UNKL: variants seen among roughly 807,000 people sequenced by gnomAD.
UNKL encodes putative E3 ubiquitin-protein ligase UNKL.
A neutral mutation model predicts 78.0 loss-of-function variants in UNKL; 60 were observed. That is an observed-to-expected ratio of 0.77 (90% CI 0.63 to 0.95). The LOEUF (loss-of-function observed/expected upper bound fraction) is 0.95. Among genes scored for constraint, UNKL ranks in the 40% least tolerant of loss-of-function variants. UNKL has a pLI of 0.00. For missense variants in UNKL, 1,159 were observed against 1,045.7 expected, an observed-to-expected ratio of 1.11 and a Z score of -1.49; for synonymous variants, 608 against 474.8, an observed-to-expected ratio of 1.28 and a Z score of -3.65.
intron 5 of UNKL, among the ~76,000 whole-genome samples, chr16:1,397,839 G>A (rs1270225875): frequency 6.6e-6 from 1 of 152,144 alleles, no homozygotes; most frequent in African/African-American, 2.4e-5. Context: ...GAGGTGTCAG[G>A]GGGACACAGG....
chr16:1,412,557 C>T (rs1338039132), intron 2 of UNKL, among the ~76,000 whole-genome samples: 1 of 152,204 alleles, frequency 6.6e-6, no homozygotes, highest in Non-Finnish European at 1.5e-5. Context: ...TTGCCGTGAG[C>T]CAAGATCAAG....
At chr16:1,380,163 C>T (rs1200113004) in intron 10 of UNKL, among the ~76,000 whole-genome samples, 1 of 152,242 alleles carries the variant, frequency 6.6e-6, no homozygotes, top group Non-Finnish European at 1.5e-5. Context: ...AAAATGGAAC[C>T]TATCAGATGG....
At chr16:1,389,449 C>A (rs2036954368) in intron 9 of UNKL, among the ~76,000 whole-genome samples, 1 of 152,126 alleles carries the variant, frequency 6.6e-6, no homozygotes. Flanking sequence ...GTGGTGTATG[C>A]CTGGGGTCCC....
chr16:1,378,740 C>T (rs999797216), intron 10 of UNKL, among the ~76,000 whole-genome samples: 17 of 152,130 alleles, frequency 1.1e-4, no homozygotes, highest in Non-Finnish European at 2.1e-4. Context: ...CGAGAGACTC[C>T]GGCCCCGCTT....
At chr16:1,375,356 G>A (rs926525439) in intron 10 of UNKL, among the ~76,000 whole-genome samples, 12 of 152,128 alleles carry the variant, frequency 7.9e-5, no homozygotes, top group South Asian at 4.1e-4. Flanking sequence ...TCCAGAGGCC[G>A]CAAGGCAGAG....
chr16:1,401,811 G>A (rs1371597192), intron 3 of UNKL, 110 bp from the exon 4 acceptor site: 2 of 1,453,394 alleles, frequency 1.4e-6, no homozygotes, highest in East Asian at 2.4e-5. Flanking sequence ...AGAGGCTGCT[G>A]CCGAAGGGTT....
In UNKL at chr16:1,370,178, A is replaced by C. The variant is rs960596007; in HGVS notation, c.1537T>G (p.Ser513Ala). The C allele has an allele frequency of 3.2e-5, 48 of 1,517,476 alleles. No individual in the cohort carries two copies. The highest frequency in any genetic ancestry group is 4.3e-5 in the Non-Finnish European group (48 of 1,128,058). The allele number at this position is 1,517,476 out of a possible 1,614,324, so 94.0% of individuals were successfully genotyped here. A position where few individuals can be genotyped will look rare whatever the true frequency, so the allele number is the denominator to read the frequency against. The change falls in exon 12 of 15, where the codon TCA becomes GCA. Residue 513 changes from serine to alanine, a missense_variant. Transcript: ENST00000389221. The part of the protein sequence containing the change: ...TPPQQPPPLR[S>A]EPGTLGSAAS... ...GCAGAGCCCAGTGTGCCCGGCTCTGAACGCAGGGGTGGCGGCTGCTGGGGA... is the reference window on the plus strand; with the variant it reads ...GCAGAGCCCAGTGTGCCCGGCTCTGCACGCAGGGGTGGCGGCTGCTGGGGA...
chr16:1,366,986 G>C, intron 14 of UNKL, 106 bp downstream of exon 14: 1 of 1,434,316 alleles, frequency 7.0e-7, no homozygotes, highest in Non-Finnish European at 9.1e-7. Flanking sequence ...AGCAGACCCT[G>C]GGGCAGGGGA....
Position 1,365,828 on chromosome 16 carries a change from A to G in UNKL, c.*412T>C, listed in dbSNP as rs1206072184. The G allele has an allele frequency of 6.2e-6, 1 of 162,548 alleles. No homozygotes were observed. Among genetic ancestry groups the G allele is most frequent in the Non-Finnish European group, 1.3e-5 (1 of 75,090 alleles). 10.1% of individuals were successfully genotyped at this position (162,548 alleles called of 1,614,324 possible). A position where few individuals can be genotyped will look rare whatever the true frequency, so the allele number is the denominator to read the frequency against. On this transcript the variant is annotated 3_prime_UTR_variant, in exon 15 of 15. Transcript: ENST00000389221. ...AGAAAGCAGCTTAGAGCAATTTATAACCTCTAACTAAATTCCTCGGTTTAC... is the reference window on the plus strand; with the variant it reads ...AGAAAGCAGCTTAGAGCAATTTATAGCCTCTAACTAAATTCCTCGGTTTAC...
chr16:1,377,104 C>T (rs1469374483), intron 10 of UNKL, among the ~76,000 whole-genome samples: 1 of 152,084 alleles, frequency 6.6e-6, no homozygotes, highest in Non-Finnish European at 1.5e-5. Flanking sequence ...CTCACTGCAA[C>T]CTCCGCCTCC....
In UNKL at chr16:1,366,255, C is replaced by G. The variant is rs763166154; in HGVS notation, c.2187G>C (p.Gln729His). The change falls in exon 15 of 15, where the codon CAG becomes CAC. Residue 729 changes from glutamine (Q) to histidine (H), a missense_variant. Gln to His is a conservative substitution (Grantham distance 24). Transcript: ENST00000389221. The stretch of plus-strand genomic sequence containing the variant: ...CCCGCTGAGGTCACCACTGCAGGGG[C>G]TGGCCCTTGCAGTAGGGGCACTCAG... ...TAPECPYCKG[Q>H]PLQW 5 of 1,579,208 alleles carry G rather than the reference C, an allele frequency of 3.2e-6. No homozygotes were observed. The African/African-American group carries it at 5.4e-5, about 17-fold the overall frequency.
chr16:1,394,033 G>T, intron 7 of UNKL, 98 bp downstream of exon 7: 1 of 1,282,332 alleles, frequency 7.8e-7, no homozygotes, highest in Non-Finnish European at 1.1e-6. Context: ...CGCCTTCCAG[G>T]TCCTCGTGGG....
At position 1,371,512 on chromosome 16, in the gene UNKL, C is replaced by A. The variant is rs888035907; in HGVS notation, c.1357+7G>T. On this transcript the variant is annotated splice_region_variant and intron_variant, in intron 11 of 14. Transcript: ENST00000389221. ...GGAGCAGGGCCCCAGGTCCTCCCCA[C>A]CCTCACCTGCTGCTCCCAGGTCGTG... 3 of 1,535,954 alleles carry A rather than the reference C, an allele frequency of 2.0e-6. No individual in the cohort carries two copies. In the African/African-American group the frequency reaches 4.1e-5, roughly 21 times the overall value.
At chr16:1,384,267 C>T (rs79061582) in intron 10 of UNKL, among the ~76,000 whole-genome samples, 2,079 of 151,740 alleles carry the variant, frequency 0.014, 50 homozygotes, top group African/African-American at 0.046. Context: ...GTCCCCACCA[C>T]CCCAACACGG....
In UNKL at chr16:1,414,089, G is replaced by A. The variant is rs112850588; in HGVS notation, c.78-34C>T. 1.6e-3 allele frequency: 2,496 copies of A among 1,519,954 alleles called. 29 individuals carry two copies. The African/African-American group carries it at 0.029, about 18-fold the overall frequency. 94.2% of individuals were successfully genotyped at this position (1,519,954 alleles called of 1,614,324 possible). A position where few individuals can be genotyped will look rare whatever the true frequency, so the allele number is the denominator to read the frequency against. On this transcript the variant is annotated intron_variant, in intron 1 of 14. Coordinates refer to ENST00000389221, the MANE Select transcript of UNKL (RefSeq NM_001372107.1). ...ACAGACAGCGCCGCGGCTCGCTTCC[G>A]GCAGCACCTCCAGGGACTCGGACTC...
chr16:1,399,415 A>G lies in UNKL; in HGVS notation c.693T>C (p.Asn231=), dbSNP rs2037416164. 1 of 1,605,816 alleles carries G rather than the reference A, an allele frequency of 6.2e-7. No homozygotes were observed. The highest frequency in any genetic ancestry group is 8.5e-7 in the Non-Finnish European group (1 of 1,176,486). The change falls in exon 5 of 15, where the codon AAT becomes AAC. Residue 231 remains asparagine, a synonymous_variant. Transcript: ENST00000389221. The surrounding 1 kb of genome is among the most constrained non-coding windows in gnomAD (Gnocchi z 5.8). ...GGGGGTTGCGCCGCCTGTCCCGGCT[A>G]TTGTGGTAGTGTGGGCACGCATAGC... ...RQGYACPHYH[N]SRDRRRNPRR... is the part of the protein sequence containing the mutation.
At chr16:1,406,619 T>A (rs779816890) in intron 2 of UNKL, among the ~76,000 whole-genome samples, 1 of 152,028 alleles carries the variant, frequency 6.6e-6, no homozygotes, top group Non-Finnish European at 1.5e-5. Flanking sequence ...GGACTGCAGG[T>A]ATGAGCCACT....
chr16:1,381,167 A>C (rs962399038), intron 10 of UNKL, among the ~76,000 whole-genome samples: 2 of 152,190 alleles, frequency 1.3e-5, no homozygotes, highest in Admixed American at 1.3e-4. Context: ...ACCTGGGTCG[A>C]CTTTCCACCC....
At chr16:1,394,530 G>T (rs1596731174) in intron 6 of UNKL, 1 of 548,602 alleles carries the variant, frequency 1.8e-6, no homozygotes, top group South Asian at 1.5e-5. Flanking sequence ...CTGGTATGCA[G>T]CAGGTGCCTA....
Sources: gnomAD v4.1 joint callset for allele counts (sites outside exome capture counted in the v4.1 genomes callset) on GRCh38, gnomAD v4.1.1 for gene constraint, Gnocchi (gnomAD v3.1) non-coding constraint, MANE v1.5 for transcripts, NCBI Gene and HGNC (gene_info 2026-07-23, HGNC 2026-07-21) for gene names.